The following RPL28 variants were observed in gnomAD, a reference collection of about 807,000 sequenced individuals.
RPL28 encodes ribosomal protein L28.
Under a neutral mutation model 12.5 loss-of-function variants are expected in RPL28, and 4 were observed. The observed-to-expected ratio is 0.32, with a 90% confidence interval of 0.16 to 0.73. The LOEUF (loss-of-function observed/expected upper bound fraction) is 0.73, where lower values mean the gene tolerates loss of function less well. Among genes scored for constraint, RPL28 ranks in the 30% least tolerant of loss-of-function variants. The pLI is 0.66. For missense variants in RPL28, 214 were observed against 197.7 expected (o/e 1.08, Z -0.49); for synonymous variants, 91 against 72.5 (o/e 1.26, Z -1.30).
In RPL28 at chr19:55,398,223, T is replaced by A. The variant is rs180705265; in HGVS notation, c.325-4720T>A. ...AAAAACAAAAAGAAAGAAATGGGAA[T>A]GTGAATTTCTAGAGTGGGATTTGGG... On this transcript the variant is annotated intron_variant, in intron 4 of 4. Coordinates refer to the RPL28 transcript ENST00000560055. Among the ~76,000 whole-genome samples, 41 of 152,114 alleles carry A rather than the reference T, an allele frequency of 2.7e-4. No individual in the cohort carries two copies. The East Asian group carries it at 7.5e-3, about 28-fold the overall frequency.
chr19:55,395,743 T>C (rs1325034688), downstream of RPL28, among the ~76,000 whole-genome samples: 1 of 152,136 alleles, frequency 6.6e-6, no homozygotes, highest in Non-Finnish European at 1.5e-5. Context: ...GCGCCCAGCC[T>C]CTTTTTCTCA....
In RPL28 at chr19:55,390,304, A is replaced by G. The variant is rs1379335420; in HGVS notation, c.*1972A>G. 3 of 778,238 alleles carry G rather than the reference A, an allele frequency of 3.9e-6. No homozygotes were observed. Among genetic ancestry groups the G allele is most frequent in the East Asian group, 1.3e-4 (1 of 7,876 alleles). The allele number at this position is 778,238 out of a possible 1,614,324, so 48.2% of individuals were successfully genotyped here. On this transcript the variant is annotated 3_prime_UTR_variant, in exon 5 of 5. Transcript: ENST00000344063. ...ACTGCAGCCTCCACCTCCTGGGTTCAAGCGATTCTCCTGCCTCAGCCTCCC... is the reference window on the plus strand; with the variant it reads ...ACTGCAGCCTCCACCTCCTGGGTTCGAGCGATTCTCCTGCCTCAGCCTCCC...
downstream of RPL28, among the ~76,000 whole-genome samples, chr19:55,392,881 T>C (rs1306850487): frequency 6.6e-6 from 1 of 151,974 alleles, no homozygotes; most frequent in Non-Finnish European, 1.5e-5. Context: ...AACAGGAACC[T>C]CCCCCTTGCT....
chr19:55,392,538 T>A (rs866711650), downstream of RPL28, among the ~76,000 whole-genome samples: 1 of 110,672 alleles, frequency 9.0e-6, no homozygotes, highest in Non-Finnish European at 1.8e-5. Flanking sequence ...CAGCCTCATC[T>A]TTTTTTTTTT....
chr19:55,395,196 G>T (rs1032078245), downstream of RPL28, among the ~76,000 whole-genome samples: 3 of 152,168 alleles, frequency 2.0e-5, no homozygotes, highest in South Asian at 4.1e-4. Context: ...GAGTACAGTG[G>T]TGCGATCTCG....
chr19:55,387,523 G>A, intron 3 of RPL28: 1 of 1,438,724 alleles, frequency 7.0e-7, no homozygotes. Context: ...ACTGGCCTGA[G>A]TGAGGCTGGG....
chr19:55,397,561 T>C lies in RPL28; in HGVS notation c.325-5382T>C, dbSNP rs532827224. Among the ~76,000 whole-genome samples, 672 of 152,100 alleles carry C rather than the reference T, an allele frequency of 4.4e-3. 7 individuals carry two copies. Among genetic ancestry groups the C allele is most frequent in the African/African-American group, 0.016 (652 of 41,484 alleles). Reference sequence around the variant, plus strand: ...CGCCCGGCTAATTTTTTTGTATTTTTAGTAGAGACAGGGTTTCACCGTGTT... The same window carrying C: ...CGCCCGGCTAATTTTTTTGTATTTTCAGTAGAGACAGGGTTTCACCGTGTT... On this transcript the variant is annotated intron_variant, in intron 4 of 4. Transcript: ENST00000560055.
At chr19:55,402,072 G>T (rs933150172) in intron 4 of RPL28, among the ~76,000 whole-genome samples, 1 of 152,200 alleles carries the variant, frequency 6.6e-6, no homozygotes, top group Admixed American at 6.5e-5. Context: ...CCTCTCAGGA[G>T]TCCATTACTT....
downstream of RPL28, among the ~76,000 whole-genome samples, chr19:55,394,219 G>A (rs936862980): frequency 6.6e-6 from 1 of 152,144 alleles, no homozygotes; most frequent in Non-Finnish European, 1.5e-5. Flanking sequence ...CCAAGATCAC[G>A]CCACTGCACT....
In RPL28 at chr19:55,388,945, C is replaced by G; in HGVS notation, c.*613C>G. 12 of 985,492 alleles carry G rather than the reference C, an allele frequency of 1.2e-5. No individual in the cohort carries two copies. The highest frequency in any genetic ancestry group is 1.4e-5 in the Non-Finnish European group (12 of 829,986). The allele number at this position is 985,492 out of a possible 1,614,324, so 61.0% of individuals were successfully genotyped here. A position where few individuals can be genotyped will look rare whatever the true frequency, so the allele number is the denominator to read the frequency against. On this transcript the variant is annotated 3_prime_UTR_variant, in exon 5 of 5. Coordinates refer to ENST00000344063, the MANE Select transcript of RPL28 (RefSeq NM_000991.5). ...CAGGGTACAGCCAGCAGGCATTGAG[C>G]AGCCTTAGCATTGTCCCCCTACTCC...
intron 3 of RPL28, 97 bp from the exon 4 acceptor site, chr19:55,387,833 G>A (rs1600302583): frequency 6.7e-7 from 1 of 1,485,282 alleles, no homozygotes; most frequent in East Asian, 2.4e-5. Context: ...GGCCCACGCT[G>A]CTCAGCTTCT....
chr19:55,392,166 C>T (rs984709187), downstream of RPL28: 14 of 968,842 alleles, frequency 1.4e-5, no homozygotes, highest in Non-Finnish European at 1.7e-5. Context: ...ATCTCAGAAT[C>T]CCAGCCCCTA....
In RPL28 at chr19:55,391,434, GGTGA is replaced by G; in HGVS notation, c.*3108_*3111del. On this transcript the variant is annotated 3_prime_UTR_variant, in exon 5 of 5. Transcript: ENST00000344063. ...CCAGCTCTTAGTCCAGTAGCTGCATGGTGAGTGAGCGTAGGGCGCACCCTGGAAG... is the reference window on the plus strand; with the variant it reads ...CCAGCTCTTAGTCCAGTAGCTGCATGGTGAGCGTAGGGCGCACCCTGGAAG... 7.6e-7 allele frequency: 1 copy of G among 1,319,268 alleles called. No homozygotes were observed. The highest frequency in any genetic ancestry group is 9.7e-7 in the Non-Finnish European group (1 of 1,028,630). The allele number at this position is 1,319,268 out of a possible 1,614,324, so 81.7% of individuals were successfully genotyped here.
intron 4 of RPL28, chr19:55,401,828 G>C: frequency 1.3e-6 from 2 of 1,559,242 alleles, no homozygotes; most frequent in Non-Finnish European, 1.8e-6. Flanking sequence ...GCCTCCACAA[G>C]AGGGTGGCCT....
At chr19:55,400,535 G>C (rs2090049505) in intron 4 of RPL28, 1 of 152,216 alleles carries the variant, frequency 6.6e-6, no homozygotes, top group African/African-American at 2.4e-5. Flanking sequence ...GCACCTCAAA[G>C]GGAATGGGCC....
chr19:55,390,716 T>C lies in RPL28; in HGVS notation c.*2384T>C, dbSNP rs45494801. 0.053 allele frequency: 52,501 copies of C among 985,376 alleles called. 1,427 individuals are homozygous for C. The highest frequency in any genetic ancestry group is 0.069 in the Middle Eastern group (132 of 1,916). The allele number at this position is 985,376 out of a possible 1,614,324, so 61.0% of individuals were successfully genotyped here. A position where few individuals can be genotyped will look rare whatever the true frequency, so the allele number is the denominator to read the frequency against. On this transcript the variant is annotated 3_prime_UTR_variant, in exon 5 of 5. Coordinates refer to ENST00000344063, the MANE Select transcript of RPL28 (RefSeq NM_000991.5). ...CGGGTGGCCAGCCTGTCTGTGTGGCTGGGCTGGGGAGGCCACGTCTGGTAT... is the reference window on the plus strand; with the variant it reads ...CGGGTGGCCAGCCTGTCTGTGTGGCCGGGCTGGGGAGGCCACGTCTGGTAT...
chr19:55,403,097 AC>A lies in RPL28; in HGVS notation c.482del (p.Pro161HisfsTer2). On this transcript the variant is annotated frameshift_variant, in exon 5 of 5. Transcript: ENST00000560055. LOFTEE classifies it high-confidence loss of function. Reference sequence around the variant, plus strand: ...GATTTGGGCAGCACCCTTGGCCTCCACCCACTAGATGCTAGTGGCACCCCCG... The same window carrying A: ...GATTTGGGCAGCACCCTTGGCCTCCACCACTAGATGCTAGTGGCACCCCCG... The A allele has an allele frequency of 1.9e-6, 2 of 1,026,132 alleles. No homozygotes were observed. Among genetic ancestry groups the A allele is most frequent in the South Asian group, 1.4e-5 (1 of 73,930 alleles). The allele number at this position is 1,026,132 out of a possible 1,614,324, so 63.6% of individuals were successfully genotyped here.
downstream of RPL28, among the ~76,000 whole-genome samples, chr19:55,395,723 A>G (rs34796965): frequency 0.27 from 40,320 of 151,744 alleles, 5,790 homozygotes; most frequent in South Asian, 0.41. Context: ...GATTACAGGC[A>G]TGAGCCACCG....
intron 2 of RPL28, 39 bp downstream of exon 2, chr19:55,386,477 G>C: frequency 6.2e-7 from 1 of 1,609,786 alleles, no homozygotes; most frequent in South Asian, 1.1e-5. Context: ...GCGGGAGGAG[G>C]GTCCTGAGTC....
Sources: gnomAD v4.1 joint callset for allele counts (sites outside exome capture counted in the v4.1 genomes callset) on GRCh38, gnomAD v4.1.1 for gene constraint, MANE v1.5 for transcripts, NCBI Gene and HGNC (gene_info 2026-07-23, HGNC 2026-07-21) for gene names.